ACCSL: variants seen among roughly 807,000 people sequenced by gnomAD.
ACCSL encodes the protein 1-aminocyclopropane-1-carboxylate synthase homolog (inactive) like.
In ACCSL, 55 loss-of-function variants were observed where a neutral mutation model predicts 61.7. That is an observed-to-expected ratio of 0.89 (90% CI 0.72 to 1.12). The LOEUF (loss-of-function observed/expected upper bound fraction) is 1.12, where lower values mean the gene tolerates loss of function less well. ACCSL is among the 50% of genes most tolerant of loss of function. The probability of loss-of-function intolerance (pLI) is 0.00; values close to 1 mark genes in which losing one functional copy is unlikely to be tolerated. For synonymous variants in ACCSL, 258 were observed against 264.3 expected (o/e 0.98, Z 0.23); for missense variants, 632 against 698.0 (o/e 0.91, Z 1.07).
At chr11:43,922,658 G>A in the ACCSL span, among the ~76,000 whole-genome samples, 4 of 152,150 alleles carry the variant, frequency 2.6e-5, no homozygotes, top group African/African-American at 9.7e-5. Flanking sequence ...TGATTTTCTG[G>A]CAAGTGTTTC....
chr11:44,000,679 T>C, the ACCSL span, among the ~76,000 whole-genome samples: 1 of 146,172 alleles, frequency 6.8e-6, no homozygotes, highest in East Asian at 2.0e-4. Context: ...GCTGAGATCA[T>C]ACCTCTGCAC....
intron 7 of ACCSL, 69 bp downstream of exon 7, chr11:44,053,137 T>C: frequency 1.4e-6 from 2 of 1,383,730 alleles, no homozygotes; most frequent in South Asian, 2.3e-5. Context: ...ATTGAAATTC[T>C]GGTACTGCTT....
the ACCSL span, among the ~76,000 whole-genome samples, chr11:44,024,798 T>C: frequency 6.6e-6 from 1 of 152,168 alleles, no homozygotes; most frequent in Non-Finnish European, 1.5e-5. Context: ...AAAGTTTCTG[T>C]TATTATTGAA....
the ACCSL span, chr11:43,925,567 C>T: frequency 1.7e-3 from 712 of 412,154 alleles, 1 homozygote; most frequent in Admixed American, 3.7e-3. Context: ...TGGCCCCGTT[C>T]GCTTTTGCAA....
the ACCSL span, among the ~76,000 whole-genome samples, chr11:43,954,497 G>T: frequency 6.6e-6 from 1 of 152,150 alleles, no homozygotes; most frequent in Non-Finnish European, 1.5e-5. Context: ...CATAGAGCGA[G>T]AAAATCTGGC....
At chr11:44,055,350 T>C in intron 9 of ACCSL, 59 bp downstream of exon 9, 1 of 1,366,190 alleles carries the variant, frequency 7.3e-7, no homozygotes, top group Non-Finnish European at 1.0e-6. Context: ...TTTTGCAGGG[T>C]GAGTTTATGT....
At chr11:43,940,021 G>T in the ACCSL span, among the ~76,000 whole-genome samples, 1 of 152,126 alleles carries the variant, frequency 6.6e-6, no homozygotes, top group Non-Finnish European at 1.5e-5. Flanking sequence ...CATCTCCATT[G>T]CCTCTACCCT....
At position 44,056,196 on chromosome 11, in the gene ACCSL, C is replaced by T. The variant is rs779570210; in HGVS notation, c.1197C>T (p.Ile399=). ...VIWGTSKDFG[I]SGFRFGALYT... is the part of the protein sequence containing the mutation. ...TTTTCTTCCTCTAGGATTTTGGCAT[C>T]TCTGGCTTCCGCTTTGGTGCTCTGT... The change falls in exon 11 of 14, where the codon ATC becomes ATT. Residue 399 remains isoleucine (I), a synonymous_variant. Coordinates refer to ENST00000378832, the MANE Select transcript of ACCSL (RefSeq NM_001031854.2). 4 of 1,614,244 alleles carry T rather than the reference C, an allele frequency of 2.5e-6. No homozygotes were observed. In the South Asian group the frequency reaches 3.3e-5, roughly 13 times the overall value.
At chr11:43,990,630 G>A in the ACCSL span, among the ~76,000 whole-genome samples, 1 of 152,196 alleles carries the variant, frequency 6.6e-6, no homozygotes, top group African/African-American at 2.4e-5. Flanking sequence ...CTCAATTAAT[G>A]CTAGGTCTTG....
At chr11:43,994,066 C>T in the ACCSL span, among the ~76,000 whole-genome samples, 7 of 152,282 alleles carry the variant, frequency 4.6e-5, no homozygotes, top group East Asian at 1.9e-4. Context: ...ATTCTGATAC[C>T]GTGGGAAACA....
chr11:43,924,614 G>A, the ACCSL span, among the ~76,000 whole-genome samples: 3 of 152,228 alleles, frequency 2.0e-5, no homozygotes, highest in Admixed American at 6.5e-5. Context: ...CCGTTCCTGC[G>A]GCACAAGAGG....
the ACCSL span, among the ~76,000 whole-genome samples, chr11:43,966,699 G>T: frequency 2.2e-4 from 34 of 152,108 alleles, no homozygotes; most frequent in Non-Finnish European, 4.3e-4. Context: ...CCACTCTTTG[G>T]TATTGAATAT....
At chr11:43,942,989 T>G in the ACCSL span, 1 of 1,503,850 alleles carries the variant, frequency 6.6e-7, no homozygotes, top group Non-Finnish European at 8.9e-7. Flanking sequence ...GGCCGACGAG[T>G]TCCCGCAGCC....
intron 11 of ACCSL, 148 bp from the exon 12 acceptor site, chr11:44,058,169 G>A: frequency 9.9e-7 from 1 of 1,014,594 alleles, no homozygotes; most frequent in South Asian, 1.7e-5. Context: ...GGAAACTCTG[G>A]TTTTTTTGTT....
At chr11:44,007,321 TC>T in the ACCSL span, among the ~76,000 whole-genome samples, 2 of 152,140 alleles carry the variant, frequency 1.3e-5, no homozygotes, top group Non-Finnish European at 2.9e-5. Flanking sequence ...CGGGCCCCCT[TC>T]CCAGCCAGAC....
At chr11:43,962,424 G>A in the ACCSL span, among the ~76,000 whole-genome samples, 3 of 152,180 alleles carry the variant, frequency 2.0e-5, no homozygotes, top group East Asian at 1.9e-4. Context: ...AAGAGATGAC[G>A]TTCGCAAGGA....
At chr11:44,010,345 A>C in the ACCSL span, among the ~76,000 whole-genome samples, 3 of 152,372 alleles carry the variant, frequency 2.0e-5, no homozygotes, top group East Asian at 5.8e-4. Context: ...GTCTCAAAAA[A>C]AAATCGTCTC....
At chr11:44,035,712 C>T in the ACCSL span, among the ~76,000 whole-genome samples, 9 of 151,992 alleles carry the variant, frequency 5.9e-5, no homozygotes, top group Non-Finnish European at 8.8e-5. Flanking sequence ...GCGAGGCAGG[C>T]GGATCACTTG....
the ACCSL span, among the ~76,000 whole-genome samples, chr11:43,997,325 T>C: frequency 1.3e-5 from 2 of 152,148 alleles, no homozygotes; most frequent in Admixed American, 6.6e-5. Flanking sequence ...TCAGTTTCTT[T>C]TGGGCTGTCG....
Sources: allele counts gnomAD v4.1 joint callset (sites outside exome capture counted in the v4.1 genomes callset), GRCh38; gene constraint gnomAD v4.1.1; transcripts MANE v1.5; gene names NCBI Gene and HGNC (gene_info 2026-07-23, HGNC 2026-07-21).